KCNH8: variants seen among roughly 807,000 people sequenced by gnomAD.
KCNH8 encodes voltage-gated delayed rectifier potassium channel KCNH8.
Under a neutral mutation model 103.6 loss-of-function variants are expected in KCNH8, and 70 were observed. The observed-to-expected ratio is 0.68, with a 90% CI of 0.56 to 0.82. KCNH8 has a LOEUF of 0.82. Ranked by LOEUF, KCNH8 falls within the 40% of genes least tolerant of loss-of-function variation. The pLI is 0.00. For missense variants in KCNH8, 1,217 were observed against 1,329.9 expected (o/e 0.92, Z 1.32); for synonymous variants, 498 against 489.4 (o/e 1.02, Z -0.23).
chr3:19,300,663 G>T (rs2065053645), intron 3 of KCNH8, among the ~76,000 whole-genome samples: 1 of 152,068 alleles, frequency 6.6e-6, no homozygotes, highest in Non-Finnish European at 1.5e-5. Context: ...TAATAAATAA[G>T]TTATATATCC....
Position 19,457,017 on chromosome 3 carries a change from T to G in KCNH8, c.2040+35T>G, listed in dbSNP as rs191667298. Reference sequence around the variant, plus strand: ...ATTTCTAATTAGTGCTAAGACCTAATAACATTGGGCCTGGAGATCATTTGT... The same window carrying G: ...ATTTCTAATTAGTGCTAAGACCTAAGAACATTGGGCCTGGAGATCATTTGT... On this transcript the variant is annotated intron_variant, in intron 11 of 15. Coordinates refer to ENST00000328405, the MANE Select transcript of KCNH8 (RefSeq NM_144633.3). The G allele has an allele frequency of 7.1e-5, 101 of 1,430,976 alleles. No homozygotes were observed. The African/African-American group carries it at 9.0e-4, about 13-fold the overall frequency. The allele number at this position is 1,430,976 out of a possible 1,614,324, so 88.6% of individuals were successfully genotyped here. A position where few individuals can be genotyped will look rare whatever the true frequency, so the allele number is the denominator to read the frequency against.
At chr3:19,491,433 G>A (rs548880701) in intron 11 of KCNH8, among the ~76,000 whole-genome samples, 36 of 152,266 alleles carry the variant, frequency 2.4e-4, no homozygotes, top group African/African-American at 8.2e-4. Flanking sequence ...GTGGTATTTA[G>A]TTTTCTGTCC....
At position 19,148,793 on chromosome 3, in the gene KCNH8, C is replaced by G; in HGVS notation, c.74C>G (p.Thr25Arg). 1 of 1,613,570 alleles carries G rather than the reference C, an allele frequency of 6.2e-7. No homozygotes were observed. Among genetic ancestry groups the G allele is most frequent in the South Asian group, 1.1e-5 (1 of 91,078 alleles). The change falls in exon 1 of 16, where the codon ACA becomes AGA. Residue 25 changes from threonine to arginine, a missense_variant and splice_region_variant. Thr to Arg is a moderately conservative substitution (Grantham distance 71). Coordinates refer to ENST00000328405, the MANE Select transcript of KCNH8 (RefSeq NM_144633.3). ...ACCATCGCCACCCGTTTTGACGGAA[C>G]ACGTAAGTCTTACACTTGAACGAGT... ...LDTIATRFDG[T>R]HSNFILANAQ...
At chr3:19,215,227 T>C (rs1403551126) in intron 1 of KCNH8, among the ~76,000 whole-genome samples, 1 of 152,248 alleles carries the variant, frequency 6.6e-6, no homozygotes, top group African/African-American at 2.4e-5. Flanking sequence ...TGGCATTTAC[T>C]AAGGTACAGA....
intron 15 of KCNH8, among the ~76,000 whole-genome samples, chr3:19,519,789 A>G (rs1022698917): frequency 6.6e-6 from 1 of 151,896 alleles, no homozygotes; most frequent in African/African-American, 2.4e-5. Context: ...ACCCATCAAT[A>G]CCATTTGAAT....
At chr3:19,162,397 T>C (rs2063242649) in intron 1 of KCNH8, among the ~76,000 whole-genome samples, 1 of 149,246 alleles carries the variant, frequency 6.7e-6, no homozygotes, top group Non-Finnish European at 1.5e-5. Flanking sequence ...TGGTGGTGCA[T>C]GTCTGTGGCT....
intron 3 of KCNH8, among the ~76,000 whole-genome samples, chr3:19,326,356 A>T (rs868086934): frequency 1.5e-5 from 2 of 135,746 alleles, no homozygotes; most frequent in African/African-American, 5.6e-5. Context: ...ATGAAAGTTA[A>T]ATATATATAT....
At chr3:19,493,531 T>C (rs1402466785) in intron 11 of KCNH8, among the ~76,000 whole-genome samples, 2 of 152,144 alleles carry the variant, frequency 1.3e-5, no homozygotes, top group Non-Finnish European at 2.9e-5. Flanking sequence ...TCTGCCATGA[T>C]TGTAGGTTTT....
intron 1 of KCNH8, among the ~76,000 whole-genome samples, chr3:19,162,606 T>C (rs1044079242): frequency 6.6e-6 from 1 of 152,150 alleles, no homozygotes; most frequent in African/African-American, 2.4e-5. Flanking sequence ...CTAGACTTAA[T>C]ATTAAAATGA....
chr3:19,331,127 GT>G (rs1301018162), intron 3 of KCNH8, among the ~76,000 whole-genome samples: 1 of 151,394 alleles, frequency 6.6e-6, no homozygotes, highest in African/African-American at 2.4e-5. Context: ...CTGGGGGGAA[GT>G]TTTTTTTGAG....
At chr3:19,517,272 G>A (rs934609730) in intron 14 of KCNH8, among the ~76,000 whole-genome samples, 1 of 151,972 alleles carries the variant, frequency 6.6e-6, no homozygotes, top group African/African-American at 2.4e-5. Flanking sequence ...AGATATATCT[G>A]CAAAACAATT....
At chr3:19,356,713 T>C (rs2065886314) in intron 5 of KCNH8, among the ~76,000 whole-genome samples, 1 of 151,982 alleles carries the variant, frequency 6.6e-6, no homozygotes, top group Non-Finnish European at 1.5e-5. Context: ...CATTAGTGAT[T>C]TGCCCAAGGC....
chr3:19,156,101 A>G (rs1465091478), intron 1 of KCNH8, among the ~76,000 whole-genome samples: 1 of 152,182 alleles, frequency 6.6e-6, no homozygotes, highest in Admixed American at 6.5e-5. Flanking sequence ...ACTGCCTTCC[A>G]GCCTCTTATT....
intron 3 of KCNH8, among the ~76,000 whole-genome samples, chr3:19,291,864 C>T (rs557960092): frequency 5.9e-5 from 9 of 152,202 alleles, no homozygotes; most frequent in South Asian, 2.1e-4. Flanking sequence ...GCCTTGAAAC[C>T]GGCATAGGGC....
chr3:19,450,815 C>T (rs1056425756), intron 9 of KCNH8: 1 of 292,636 alleles, frequency 3.4e-6, no homozygotes, highest in Non-Finnish European at 6.4e-6. Flanking sequence ...GGTTTCTCCT[C>T]TCTTCGCATA....
chr3:19,327,511 A>G (rs1384080616), intron 3 of KCNH8, among the ~76,000 whole-genome samples: 1 of 152,056 alleles, frequency 6.6e-6, no homozygotes, highest in East Asian at 1.9e-4. Flanking sequence ...TCTGGTCTTG[A>G]ACTCCTGACC....
At chr3:19,272,523 TGA>T (rs1407857125) in intron 2 of KCNH8, among the ~76,000 whole-genome samples, 2 of 152,016 alleles carry the variant, frequency 1.3e-5, no homozygotes, top group African/African-American at 2.4e-5. Flanking sequence ...TCCTAGGAAA[TGA>T]GGAACTGCTT....
Position 19,301,128 on chromosome 3 carries a change from G to T in KCNH8, c.442+19799G>T, listed in dbSNP as rs74750617. On this transcript the variant is annotated intron_variant, in intron 3 of 15. Transcript: ENST00000328405. Reference sequence around the variant, plus strand: ...ATTCCCAAGGTCACAAAGCTAAAAAGTGGCAAAGCTAGGACTTGAACCCAA... The same window carrying T: ...ATTCCCAAGGTCACAAAGCTAAAAATTGGCAAAGCTAGGACTTGAACCCAA... Among the ~76,000 whole-genome samples, 927 of 151,560 alleles carry T rather than the reference G, an allele frequency of 6.1e-3. 8 individuals are homozygous for T. The highest frequency in any genetic ancestry group is 0.021 in the African/African-American group (861 of 41,442).
chr3:19,210,568 T>C (rs184005224), intron 1 of KCNH8, among the ~76,000 whole-genome samples: 2 of 141,684 alleles, frequency 1.4e-5, no homozygotes, highest in Non-Finnish European at 2.9e-5. Context: ...TTTAAAAAAA[T>C]ATATATTGCT....
Sources: gnomAD v4.1 joint callset for allele counts (sites outside exome capture counted in the v4.1 genomes callset) on GRCh38, gnomAD v4.1.1 for gene constraint, MANE v1.5 for transcripts, NCBI Gene and HGNC (gene_info 2026-07-23, HGNC 2026-07-21) for gene names.